Variants in TJP1 observed in about 807,000 individuals in gnomAD.
TJP1 encodes tight junction protein ZO-1.
A neutral mutation model predicts 194.2 loss-of-function variants in TJP1; 43 were observed. That is an observed-to-expected ratio of 0.22 (90% CI 0.17 to 0.29). The LOEUF is 0.29. Ranked by LOEUF, TJP1 falls within the 10% of genes least tolerant of loss-of-function variation. TJP1 has a pLI of 1.00. For synonymous variants in TJP1, 801 were observed against 779.0 expected, an observed-to-expected ratio of 1.03 and a Z score of -0.47; for missense variants, 1,971 against 2,185.7, an observed-to-expected ratio of 0.90 and a Z score of 1.96.
intron 1 of TJP1, chr15:29,968,481 G>A: frequency 1.1e-6 from 1 of 917,090 alleles, no homozygotes. Flanking sequence ...ACAAGGCGGC[G>A]CTCGGCCCTG....
chr15:29,838,089 C>T (rs1441659929), intron 2 of TJP1, among the ~76,000 whole-genome samples: 1 of 152,274 alleles, frequency 6.6e-6, no homozygotes, highest in East Asian at 1.9e-4. Context: ...TATAAAATAT[C>T]CACTGTTCTA....
intron 2 of TJP1, among the ~76,000 whole-genome samples, chr15:29,881,235 G>A (rs1255922039): frequency 6.6e-6 from 1 of 152,052 alleles, no homozygotes; most frequent in Non-Finnish European, 1.5e-5. Context: ...GGCCATTTTT[G>A]TATGTCTCCT....
chr15:29,750,409 G>A (rs1026616315), intron 8 of TJP1, among the ~76,000 whole-genome samples: 8 of 152,184 alleles, frequency 5.3e-5, no homozygotes, highest in African/African-American at 1.9e-4. Flanking sequence ...AAAGTGCTGA[G>A]ATTACAGGTG....
chr15:29,804,800 C>T (rs2049013475), intron 1 of TJP1, among the ~76,000 whole-genome samples: 1 of 151,914 alleles, frequency 6.6e-6, no homozygotes, highest in Admixed American at 6.6e-5. Flanking sequence ...TGTAGGAGAC[C>T]AAGGGGAAAA....
chr15:29,730,706 C>T (rs573517141), intron 15 of TJP1: 27 of 763,016 alleles, frequency 3.5e-5, no homozygotes, highest in Admixed American at 6.9e-5. Context: ...CTGTCGCCAC[C>T]GCCACCATGC....
intron 8 of TJP1, among the ~76,000 whole-genome samples, chr15:29,755,983 A>C (rs534630641): frequency 6.6e-6 from 1 of 152,188 alleles, no homozygotes; most frequent in Admixed American, 6.5e-5. Flanking sequence ...GTTCCCTCTA[A>C]CATACAATGT....
At chr15:29,802,059 C>T (rs900715386) in intron 1 of TJP1, among the ~76,000 whole-genome samples, 2 of 152,068 alleles carry the variant, frequency 1.3e-5, no homozygotes, top group Admixed American at 1.3e-4. Flanking sequence ...CTCTTGGAGA[C>T]TTAAAATATT....
At chr15:29,779,044 A>G (rs568743925) in intron 2 of TJP1, among the ~76,000 whole-genome samples, 133 of 152,304 alleles carry the variant, frequency 8.7e-4, no homozygotes, top group African/African-American at 2.9e-3. Flanking sequence ...TAAACTCCCC[A>G]CTAGCAAGTC....
chr15:29,894,213 C>A (rs2053405528), intron 2 of TJP1, among the ~76,000 whole-genome samples: 1 of 152,190 alleles, frequency 6.6e-6, no homozygotes, highest in Non-Finnish European at 1.5e-5. Context: ...AATCCCAGCA[C>A]CTTGGAAAGC....
At chr15:29,837,831 C>G (rs2051086993) in intron 2 of TJP1, among the ~76,000 whole-genome samples, 1 of 152,196 alleles carries the variant, frequency 6.6e-6, no homozygotes, top group Non-Finnish European at 1.5e-5. Flanking sequence ...TAAGACATAT[C>G]TCTTTTGACT....
At chr15:29,915,867 T>C (rs1189326206) in intron 2 of TJP1, among the ~76,000 whole-genome samples, 3 of 152,372 alleles carry the variant, frequency 2.0e-5, no homozygotes, top group Non-Finnish European at 4.4e-5. Flanking sequence ...TTGTAACTAC[T>C]GAAATTAAAT....
intron 2 of TJP1, among the ~76,000 whole-genome samples, chr15:29,843,409 G>A (rs1039520813): frequency 2.0e-5 from 3 of 152,016 alleles, no homozygotes; most frequent in Non-Finnish European, 2.9e-5. Flanking sequence ...GGCTGGTCTC[G>A]AACTCCCAAC....
intron 2 of TJP1, among the ~76,000 whole-genome samples, chr15:29,947,617 C>T (rs143728143): frequency 3.1e-4 from 47 of 152,298 alleles, no homozygotes; most frequent in African/African-American, 1.1e-3. Flanking sequence ...TTTCCACCCT[C>T]CCTTAGAACA....
At chr15:29,947,267 A>G (rs2055317316) in intron 2 of TJP1, among the ~76,000 whole-genome samples, 1 of 152,208 alleles carries the variant, frequency 6.6e-6, no homozygotes, top group African/African-American at 2.4e-5. Context: ...TTACTGGTCC[A>G]TGGCAAACCG....
chr15:29,914,817 G>A (rs1054334053), intron 2 of TJP1, among the ~76,000 whole-genome samples: 4 of 151,838 alleles, frequency 2.6e-5, no homozygotes, highest in Admixed American at 6.6e-5. Flanking sequence ...ACTACGGCAC[G>A]CTTGGGCCAT....
chr15:29,762,491 A>C (rs947952052), intron 5 of TJP1, 53 bp from the exon 6 acceptor site: 3 of 1,317,224 alleles, frequency 2.3e-6, no homozygotes, highest in Non-Finnish European at 3.2e-6. Context: ...ACACCTAAAT[A>C]GATTTTACAA....
At chr15:29,919,622 C>T (rs2054293233) in intron 2 of TJP1, among the ~76,000 whole-genome samples, 1 of 152,154 alleles carries the variant, frequency 6.6e-6, no homozygotes, top group Non-Finnish European at 1.5e-5. Context: ...CAGAGGTGAC[C>T]TTGGAGACCT....
intron 2 of TJP1, among the ~76,000 whole-genome samples, chr15:29,950,104 CACCACCACCTCCACA>C (rs2055646484): frequency 1.2e-5 from 1 of 81,678 alleles, no homozygotes; most frequent in Middle Eastern, 6.5e-3. Flanking sequence ...CCACCTCCAC[CACCACCACCTCCACA>C]ACCACCACCT....
chr15:29,859,614 C>T (rs978534754), intron 2 of TJP1, among the ~76,000 whole-genome samples: 8 of 152,020 alleles, frequency 5.3e-5, no homozygotes, highest in Non-Finnish European at 1.2e-4. Flanking sequence ...TCAGAGCCAT[C>T]GTGGTTCTCT....
Sources: allele counts gnomAD v4.1 joint callset (sites outside exome capture counted in the v4.1 genomes callset), GRCh38; gene constraint gnomAD v4.1.1; transcripts MANE v1.5; gene names NCBI Gene and HGNC (gene_info 2026-07-23, HGNC 2026-07-21).